Variants in SPPL3 observed in about 807,000 individuals in gnomAD.
The protein encoded by SPPL3 is signal peptide peptidase-like 3.
Under a neutral mutation model 42.4 loss-of-function variants are expected in SPPL3, and 5 were observed. The ratio of observed to expected loss-of-function variants is 0.12; its 90% CI spans 0.06 to 0.25. SPPL3 has a LOEUF of 0.25. SPPL3 is among the 10% of genes least tolerant of loss of function. The pLI is 1.00. For missense variants in SPPL3, 235 were observed against 489.0 expected (o/e 0.48, Z 4.90); for synonymous variants, 195 against 181.8 (o/e 1.07, Z -0.58).
At chr12:120,783,579 C>G in intron 5 of SPPL3, 95 bp downstream of exon 5, 9 of 1,179,720 alleles carry the variant, frequency 7.6e-6, no homozygotes, top group Non-Finnish European at 1.1e-5. Flanking sequence ...GTGCTCCAGC[C>G]AATAACAGAA....
intron 1 of SPPL3, among the ~76,000 whole-genome samples, chr12:120,871,511 G>C (rs1872930741): frequency 6.6e-6 from 1 of 152,106 alleles, no homozygotes; most frequent in African/African-American, 2.4e-5. Flanking sequence ...CCAGCATTTT[G>C]GGAGGCTGAG....
intron 1 of SPPL3, among the ~76,000 whole-genome samples, chr12:120,884,420 T>C (rs1042651021): frequency 6.6e-6 from 1 of 152,136 alleles, no homozygotes; most frequent in Non-Finnish European, 1.5e-5. Flanking sequence ...ACAGTTCCTA[T>C]ATGTAATGCC....
intron 3 of SPPL3, among the ~76,000 whole-genome samples, chr12:120,788,264 T>G (rs1869790611): frequency 6.6e-6 from 1 of 152,186 alleles, no homozygotes; most frequent in Non-Finnish European, 1.5e-5. Flanking sequence ...TTTTCTGCTT[T>G]CTAATGAGTT....
In SPPL3 at chr12:120,766,457, A is replaced by G. The variant is rs1230897442; in HGVS notation, c.974-85T>C. ...GCTGGGCAAAGTCCTGCAACTGTAC[A>G]GATCTAATGTGCTGTCGTCCATTCT... On this transcript the variant is annotated intron_variant, in intron 9 of 10. Coordinates refer to ENST00000353487, the MANE Select transcript of SPPL3 (RefSeq NM_139015.5). 7.6e-6 allele frequency: 8 copies of G among 1,058,774 alleles called. No individual in the cohort carries two copies. The East Asian group carries it at 1.6e-4, about 22-fold the overall frequency. 65.6% of individuals were successfully genotyped at this position (1,058,774 alleles called of 1,614,324 possible). A position where few individuals can be genotyped will look rare whatever the true frequency, so the allele number is the denominator to read the frequency against.
chr12:120,773,578 G>A (rs1031998122), intron 6 of SPPL3, among the ~76,000 whole-genome samples: 8 of 152,144 alleles, frequency 5.3e-5, no homozygotes, highest in African/African-American at 1.2e-4. Flanking sequence ...CAGGCTCCTC[G>A]GGGTAAGTTT....
intron 1 of SPPL3, among the ~76,000 whole-genome samples, chr12:120,838,815 C>G (rs1592988491): frequency 6.6e-6 from 1 of 152,192 alleles, no homozygotes; most frequent in African/African-American, 2.4e-5. Flanking sequence ...GAGATATCAT[C>G]TCACACCAGT....
chr12:120,784,614 G>A (rs774313399), intron 3 of SPPL3, 21 bp from the exon 4 acceptor site: 12 of 1,585,928 alleles, frequency 7.6e-6, no homozygotes, highest in Non-Finnish European at 9.4e-6. Context: ...AAAACAGACA[G>A]ATTAATAACT....
chr12:120,839,454 C>T (rs1255351772), intron 1 of SPPL3, among the ~76,000 whole-genome samples: 2 of 151,622 alleles, frequency 1.3e-5, no homozygotes, highest in African/African-American at 2.4e-5. Context: ...CACATGTATA[C>T]ATATGTAACT....
intron 1 of SPPL3, among the ~76,000 whole-genome samples, chr12:120,821,393 G>A (rs931586153): frequency 2.0e-5 from 3 of 152,332 alleles, no homozygotes; most frequent in African/African-American, 4.8e-5. Flanking sequence ...CACTGCAGCC[G>A]GAAACAGCCC....
chr12:120,768,633 C>A, intron 7 of SPPL3, 145 bp from the exon 8 acceptor site: 1 of 1,009,186 alleles, frequency 9.9e-7, no homozygotes, highest in Non-Finnish European at 1.4e-6. Flanking sequence ...AAAATCTTTG[C>A]TCTTCCTGTG....
intron 1 of SPPL3, chr12:120,845,461 C>G (rs1386371695): frequency 2.4e-6 from 1 of 419,706 alleles, no homozygotes; most frequent in Non-Finnish European, 4.7e-6. Context: ...ACGCCCCACA[C>G]AGTGAAGCTA....
At chr12:120,892,958 G>C (rs1204304753) in intron 1 of SPPL3, among the ~76,000 whole-genome samples, 1 of 143,066 alleles carries the variant, frequency 7.0e-6, no homozygotes, top group Non-Finnish European at 1.5e-5. Flanking sequence ...CTCCAGCCTG[G>C]GTGACAGAGC....
Position 120,767,554 on chromosome 12 carries a change from G to A in SPPL3, c.813C>T (p.Asp271=), listed in dbSNP as rs769376963. 8.1e-6 allele frequency: 13 copies of A among 1,614,234 alleles called. No individual in the cohort carries two copies. Among genetic ancestry groups the A allele is most frequent in the Non-Finnish European group, 1.0e-5 (12 of 1,180,036 alleles). ...GSHFSMLGIG[D]IVMPGLLLCF... ...ATAGTAGGAGACCAGGCATAACGAT[G>A]TCTCCGATGCCCAACATGGAGAAGT... is the stretch of plus-strand genomic sequence containing the variant. Residue 271 remains aspartate, a synonymous_variant, in exon 9 of 11, where the codon GAC becomes GAT. Coordinates refer to ENST00000353487, the MANE Select transcript of SPPL3 (RefSeq NM_139015.5).
rs190904099 is a variant in SPPL3 at position 120,876,696 on chromosome 12, A to T, written c.23+27149T>A. ...AAGCAGACCAAAATGTACAGTATGT[A>T]CAGCATGCAGCTAAAAAGTGCTTAG... On this transcript the variant is annotated intron_variant, in intron 1 of 10. Transcript: ENST00000353487. 2.6e-5 allele frequency among the ~76,000 whole-genome samples: 4 copies of T among 151,860 alleles called. No homozygotes were observed. In the East Asian group the frequency reaches 7.7e-4, roughly 29 times the overall value.
chr12:120,784,669 C>T, intron 3 of SPPL3, 76 bp from the exon 4 acceptor site: 1 of 1,224,196 alleles, frequency 8.2e-7, no homozygotes, highest in Middle Eastern at 1.9e-4. Context: ...TATACATTAA[C>T]TTGCAAAAAT....
chr12:120,840,065 G>A (rs1216651315), intron 1 of SPPL3, among the ~76,000 whole-genome samples: 1 of 151,874 alleles, frequency 6.6e-6, no homozygotes, highest in Non-Finnish European at 1.5e-5. Context: ...TGGATCACGA[G>A]GTCAGGAGTT....
At chr12:120,849,818 G>C (rs769969030) in intron 1 of SPPL3, among the ~76,000 whole-genome samples, 1 of 152,138 alleles carries the variant, frequency 6.6e-6, no homozygotes, top group African/African-American at 2.4e-5. Flanking sequence ...CAATTCTCAT[G>C]TCCTCAGGCC....
chr12:120,860,677 C>G (rs1347277385), intron 1 of SPPL3, among the ~76,000 whole-genome samples: 2 of 152,028 alleles, frequency 1.3e-5, no homozygotes, highest in Non-Finnish European at 2.9e-5. Flanking sequence ...TACACACGCA[C>G]AAAAGTTTGT....
intron 1 of SPPL3, among the ~76,000 whole-genome samples, chr12:120,892,435 G>A (rs1364110005): frequency 3.9e-5 from 6 of 152,120 alleles, no homozygotes; most frequent in East Asian, 1.9e-4. Flanking sequence ...GGAAAACATT[G>A]CAGTCAGACC....
Sources: gnomAD v4.1 joint callset for allele counts (sites outside exome capture counted in the v4.1 genomes callset) on GRCh38, gnomAD v4.1.1 for gene constraint, MANE v1.5 for transcripts, NCBI Gene and HGNC (gene_info 2026-07-23, HGNC 2026-07-21) for gene names.